PPA2: variants seen among roughly 807,000 people sequenced by gnomAD.
The protein encoded by PPA2 is inorganic pyrophosphatase 2, mitochondrial.
Under a neutral mutation model 49.5 loss-of-function variants are expected in PPA2, and 48 were observed. The ratio of observed to expected loss-of-function variants is 0.97; its 90% CI spans 0.77 to 1.23. The LOEUF is 1.23. Ranked by LOEUF, PPA2 falls within the 50% of genes most tolerant of loss-of-function variation. The probability of loss-of-function intolerance (pLI) is 0.00; values close to 1 mark genes in which losing one functional copy is unlikely to be tolerated. For missense variants in PPA2, 429 were observed against 410.1 expected (o/e 1.05, Z -0.40); for synonymous variants, 131 against 139.9 (o/e 0.94, Z 0.45).
rs528661263 is a variant in PPA2, at chr4:105,395,453, A to G, written c.869+796T>C. Among the ~76,000 whole-genome samples, 64 of 152,258 alleles carry G rather than the reference A, an allele frequency of 4.2e-4. 1 individual carries two copies. In the South Asian group the frequency reaches 0.012, roughly 30 times the overall value. ...TTTTAGTTCTTAAATGTGTTCGTCA[A>G]TTGTACTTGTTACTATAATTTCAAA... On this transcript the variant is annotated intron_variant, in intron 9 of 11. Transcript: ENST00000341695.
intron 5 of PPA2, among the ~76,000 whole-genome samples, chr4:105,443,490 T>A (rs938956434): frequency 2.0e-5 from 3 of 150,082 alleles, no homozygotes; most frequent in Non-Finnish European, 4.4e-5. Flanking sequence ...CCATAAGCTA[T>A]CCCATAAGCA....
At chr4:105,437,835 G>T in intron 6 of PPA2, 115 bp downstream of exon 6, 1 of 727,860 alleles carries the variant, frequency 1.4e-6, no homozygotes. Flanking sequence ...ACTGATAACA[G>T]AGAAATCAAT....
At chr4:105,373,586 C>CT (rs1445656909) in intron 10 of PPA2, among the ~76,000 whole-genome samples, 5 of 152,102 alleles carry the variant, frequency 3.3e-5, no homozygotes, top group African/African-American at 1.2e-4. Context: ...AATTGAGCAG[C>CT]TTCTCGTTAA....
chr4:105,431,470 G>A (rs190461889), intron 6 of PPA2, among the ~76,000 whole-genome samples: 6 of 152,280 alleles, frequency 3.9e-5, no homozygotes, highest in African/African-American at 1.4e-4. Context: ...AGGATCTGGA[G>A]AAACTGGAAT....
chr4:105,371,102 T>C (rs1459718090), intron 10 of PPA2, among the ~76,000 whole-genome samples: 1 of 152,192 alleles, frequency 6.6e-6, no homozygotes, highest in African/African-American at 2.4e-5. Flanking sequence ...ATTTTTTATC[T>C]TAACCCATGG....
At chr4:105,447,186 C>T (rs908190956) in intron 4 of PPA2, among the ~76,000 whole-genome samples, 4 of 152,016 alleles carry the variant, frequency 2.6e-5, no homozygotes, top group Non-Finnish European at 4.4e-5. Context: ...GGTATATATA[C>T]ATAATAAAAT....
chr4:105,423,910 G>A (rs190020775), intron 7 of PPA2, among the ~76,000 whole-genome samples: 4 of 152,124 alleles, frequency 2.6e-5, no homozygotes, highest in African/African-American at 9.6e-5. Context: ...ACAGCAGTTG[G>A]ACCATCAAAA....
At chr4:105,468,637 C>CT (rs1723402730) in intron 1 of PPA2, among the ~76,000 whole-genome samples, 2 of 152,160 alleles carry the variant, frequency 1.3e-5, no homozygotes, top group African/African-American at 4.8e-5. Context: ...ACTGGGAACT[C>CT]TGTGTTCCCA....
At chr4:105,437,857 CTGAAGAG>C in intron 6 of PPA2, 86 bp downstream of exon 6, 1 of 899,618 alleles carries the variant, frequency 1.1e-6, no homozygotes, top group Non-Finnish European at 1.7e-6. Context: ...GGCTTGAACT[CTGAAGAG>C]TTGAAGAACT....
In PPA2 at chr4:105,369,736, G is replaced by A; in HGVS notation, c.994C>T (p.Leu332Phe). Residue 332 changes from leucine to phenylalanine, a missense_variant, in exon 12 of 12, where the codon CTT (leucine) becomes TTT (phenylalanine). By Grantham distance (22) the Leu-to-Phe change is conservative. Transcript: ENST00000341695. ...TTCAGATGTTTCAATCACTTGCCAA[G>A]GAAGTGCCACACTTGCTCTGCATTT... is the stretch of plus-strand genomic sequence containing the variant. The part of the protein sequence containing the change: ...SNEEEQVWHF[L>F]GK 1.9e-6 allele frequency: 3 copies of A among 1,592,446 alleles called. No homozygotes were observed. Among genetic ancestry groups the A allele is most frequent in the Non-Finnish European group, 2.6e-6 (3 of 1,160,432 alleles).
chr4:105,370,239 T>C (rs559839532), intron 11 of PPA2, among the ~76,000 whole-genome samples: 19 of 152,282 alleles, frequency 1.2e-4, no homozygotes, highest in African/African-American at 4.6e-4. Context: ...TCACAGTAAA[T>C]AGTTCTCATA....
intron 7 of PPA2, chr4:105,407,147 T>C (rs201766749): frequency 7.0e-6 from 1 of 143,378 alleles, no homozygotes; most frequent in Non-Finnish European, 1.5e-5. Context: ...ACAAGCATAG[T>C]GAAAGTCCTT....
At chr4:105,386,812 G>A (rs1291203838) in intron 9 of PPA2, among the ~76,000 whole-genome samples, 176 bp from the exon 10 acceptor site, 1 of 152,114 alleles carries the variant, frequency 6.6e-6, no homozygotes, top group South Asian at 2.1e-4. Context: ...TTTCAGGCAA[G>A]GTTCTAAGTA....
At chr4:105,411,197 C>A (rs1722739037) in intron 7 of PPA2, among the ~76,000 whole-genome samples, 1 of 151,512 alleles carries the variant, frequency 6.6e-6, no homozygotes, top group Admixed American at 6.6e-5. Flanking sequence ...ACACTTTGCT[C>A]AAAATAAAGG....
At chr4:105,432,897 T>C (rs1723879682) in intron 6 of PPA2, among the ~76,000 whole-genome samples, 1 of 152,180 alleles carries the variant, frequency 6.6e-6, no homozygotes, top group Non-Finnish European at 1.5e-5. Flanking sequence ...TTCTGCCAAC[T>C]TACTAGCAAT....
intron 10 of PPA2, among the ~76,000 whole-genome samples, chr4:105,383,375 T>C (rs1733567685): frequency 6.6e-6 from 1 of 152,346 alleles, no homozygotes; most frequent in East Asian, 1.9e-4. Flanking sequence ...TAATCATCAA[T>C]TTGTTAGTTT....
At chr4:105,472,315 G>A (rs1723555444) in intron 1 of PPA2, among the ~76,000 whole-genome samples, 1 of 152,110 alleles carries the variant, frequency 6.6e-6, no homozygotes, top group Non-Finnish European at 1.5e-5. Flanking sequence ...GTGCGCTCCT[G>A]GCTTCTCAAG....
intron 5 of PPA2, among the ~76,000 whole-genome samples, chr4:105,445,268 T>C (rs1308738330): frequency 6.6e-6 from 1 of 152,212 alleles, no homozygotes; most frequent in Non-Finnish European, 1.5e-5. Flanking sequence ...TCCTACAGGC[T>C]GCATCCCCTA....
chr4:105,446,606 A>T, intron 4 of PPA2, 104 bp from the exon 5 acceptor site: 1 of 1,303,428 alleles, frequency 7.7e-7, no homozygotes, highest in Non-Finnish European at 1.0e-6. Flanking sequence ...CTAAACATTC[A>T]TATTTCAACT....
Sources: allele counts gnomAD v4.1 joint callset (sites outside exome capture counted in the v4.1 genomes callset), GRCh38; gene constraint gnomAD v4.1.1; transcripts MANE v1.5; gene names NCBI Gene and HGNC (gene_info 2026-07-23, HGNC 2026-07-21).